Variants in GRIA1 observed in about 807,000 individuals in gnomAD.
GRIA1 encodes glutamate receptor 1.
In GRIA1, 31 loss-of-function variants were observed where a neutral mutation model predicts 99.2. That is an observed-to-expected ratio of 0.31 (90% CI 0.23 to 0.42). The LOEUF is 0.42. GRIA1 is among the 10% of genes least tolerant of loss of function. The probability of loss-of-function intolerance (pLI) is 1.00; values close to 1 mark genes in which losing one functional copy is unlikely to be tolerated. For synonymous variants in GRIA1, 438 were observed against 432.4 expected (o/e 1.01, Z -0.16); for missense variants, 782 against 1,157.5 (o/e 0.68, Z 4.71).
chr5:153,735,075 A>G (rs535692562), intron 11 of GRIA1, among the ~76,000 whole-genome samples: 2 of 152,280 alleles, frequency 1.3e-5, no homozygotes, highest in Admixed American at 6.5e-5. Context: ...TGCAATATAC[A>G]TGACAGGTCC....
rs368323439 is a variant in GRIA1, at chr5:153,732,581, T to G, written c.1823+26514T>G. On this transcript the variant is annotated intron_variant, in intron 11 of 15. Coordinates refer to ENST00000285900, the MANE Select transcript of GRIA1 (RefSeq NM_000827.4). ...TTTTTAACTAGGTTATTTGGGGATT[T>G]TTTGCCATTGAGTTGTAAGAGTGTC... Among the ~76,000 whole-genome samples the G allele has an allele frequency of 1.6e-4, 25 of 152,246 alleles. No individual in the cohort carries two copies. In the East Asian group the frequency reaches 4.4e-3, roughly 27 times the overall value.
intron 1 of GRIA1, among the ~76,000 whole-genome samples, 193 bp from the exon 2 acceptor site, chr5:153,493,735 A>G (rs935952395): frequency 1.3e-5 from 2 of 152,220 alleles, no homozygotes; most frequent in South Asian, 4.1e-4. Flanking sequence ...GGCCCATGTC[A>G]CAAAAAAGCT....
chr5:153,651,395 C>T (rs1032094911), intron 4 of GRIA1, among the ~76,000 whole-genome samples: 10 of 152,032 alleles, frequency 6.6e-5, no homozygotes, highest in African/African-American at 2.4e-4. Flanking sequence ...CTAAACTGTG[C>T]TTCCCCTGGT....
intron 2 of GRIA1, among the ~76,000 whole-genome samples, chr5:153,566,117 C>T (rs978564845): frequency 2.0e-5 from 3 of 151,966 alleles, no homozygotes; most frequent in Non-Finnish European, 2.9e-5. Flanking sequence ...TTCAATTTCT[C>T]CACATCCTTA....
intron 2 of GRIA1, 123 bp downstream of exon 2, chr5:153,494,188 C>T (rs1754198320): frequency 2.2e-5 from 23 of 1,041,934 alleles, no homozygotes; most frequent in African/African-American, 3.2e-5. Flanking sequence ...TAAGAGAAAG[C>T]CCTCCAAGAA....
At chr5:153,809,203 G>T (rs1766643578) in intron 15 of GRIA1, among the ~76,000 whole-genome samples, 2 of 152,142 alleles carry the variant, frequency 1.3e-5, no homozygotes, top group Admixed American at 1.3e-4. Context: ...ACATTTTTAG[G>T]TGAGGATAAG....
rs1755290747 is a variant in GRIA1, at chr5:153,504,353, T to C, written c.220+10288T>C. On this transcript the variant is annotated intron_variant, in intron 2 of 15. Transcript: ENST00000285900. ...TATATTTTTGTCTATTAAGCATATA[T>C]ATATATACACTATCTATATATAGAT... Among the ~76,000 whole-genome samples, 3 of 151,584 alleles carry C rather than the reference T, an allele frequency of 2.0e-5. No homozygotes were observed. In the South Asian group the frequency reaches 6.2e-4, roughly 32 times the overall value.
At chr5:153,579,899 A>AT (rs199961790) in intron 2 of GRIA1, among the ~76,000 whole-genome samples, 1 of 137,464 alleles carries the variant, frequency 7.3e-6, no homozygotes, top group Non-Finnish European at 1.5e-5. Flanking sequence ...AAACAAACAA[A>AT]AAAAAAAAAA....
intron 11 of GRIA1, among the ~76,000 whole-genome samples, chr5:153,725,659 G>A (rs1760466014): frequency 1.9e-5 from 2 of 103,750 alleles, no homozygotes; most frequent in Non-Finnish European, 3.7e-5. Context: ...TTACATAATG[G>A]TAAAGGGATC....
Position 153,588,187 on chromosome 5 carries a change from G to A in GRIA1, c.221-58741G>A, listed in dbSNP as rs563331682. ...ATGTGGGATCAGGCTGAATAAATAC[G>A]GCAGTGTTAGCCTCTGTGTCTAGAT... On this transcript the variant is annotated intron_variant, in intron 2 of 15. Transcript: ENST00000285900. Among the ~76,000 whole-genome samples, 7 of 152,230 alleles carry A rather than the reference G, an allele frequency of 4.6e-5. No individual in the cohort carries two copies. In the South Asian group the frequency reaches 8.3e-4, roughly 18 times the overall value.
At chr5:153,534,326 A>T (rs1758357728) in intron 2 of GRIA1, among the ~76,000 whole-genome samples, 1 of 152,196 alleles carries the variant, frequency 6.6e-6, no homozygotes, top group Admixed American at 6.5e-5. Flanking sequence ...AGGCTGGCTG[A>T]TAAATGCCCC....
chr5:153,581,829 C>A (rs567453638), intron 2 of GRIA1, among the ~76,000 whole-genome samples: 40 of 151,138 alleles, frequency 2.6e-4, no homozygotes, highest in Admixed American at 2.6e-3. Flanking sequence ...CCGCTCACTG[C>A]AATCTCTGCT....
At chr5:153,607,056 T>TAG (rs1765509086) in intron 2 of GRIA1, among the ~76,000 whole-genome samples, 1 of 147,182 alleles carries the variant, frequency 6.8e-6, no homozygotes, top group South Asian at 2.1e-4. Flanking sequence ...TATATATATA[T>TAG]ATATATATAT....
chr5:153,528,343 C>T (rs145390442), intron 2 of GRIA1, among the ~76,000 whole-genome samples: 3 of 152,166 alleles, frequency 2.0e-5, no homozygotes, highest in Admixed American at 2.0e-4. Context: ...TTGTGTCTTT[C>T]AGGATTATAG....
chr5:153,701,815 T>G (rs1246279744), intron 10 of GRIA1, among the ~76,000 whole-genome samples: 2 of 151,972 alleles, frequency 1.3e-5, no homozygotes, highest in African/African-American at 2.4e-5. Flanking sequence ...CCAAATTTAT[T>G]CTTTCTGTGG....
chr5:153,617,247 C>T (rs1488916505), intron 2 of GRIA1, among the ~76,000 whole-genome samples: 1 of 152,218 alleles, frequency 6.6e-6, no homozygotes, highest in Non-Finnish European at 1.5e-5. Flanking sequence ...ATGCTACGCT[C>T]CTGTTTTTAA....
intron 2 of GRIA1, among the ~76,000 whole-genome samples, chr5:153,570,383 TCAAA>T (rs1442790225): frequency 2.6e-5 from 4 of 152,228 alleles, no homozygotes; most frequent in African/African-American, 7.2e-5. Flanking sequence ...CATACAGCTA[TCAAA>T]CAGTGTTGCT....
At chr5:153,722,660 T>C (rs1027860816) in intron 11 of GRIA1, among the ~76,000 whole-genome samples, 13 of 152,248 alleles carry the variant, frequency 8.5e-5, no homozygotes, top group Admixed American at 3.3e-4. Flanking sequence ...TCTGTTGATA[T>C]AGTTGTCTGT....
At chr5:153,544,922 G>A (rs1759468293) in intron 2 of GRIA1, among the ~76,000 whole-genome samples, 1 of 152,204 alleles carries the variant, frequency 6.6e-6, no homozygotes, top group African/African-American at 2.4e-5. Flanking sequence ...ACTGGATTCT[G>A]TGGTCTTAGT....
Sources: allele counts gnomAD v4.1 joint callset (sites outside exome capture counted in the v4.1 genomes callset), GRCh38; gene constraint gnomAD v4.1.1; transcripts MANE v1.5; gene names NCBI Gene and HGNC (gene_info 2026-07-23, HGNC 2026-07-21).